Variants in ATXN1 observed in about 807,000 individuals in gnomAD.
The protein encoded by ATXN1 is ataxin 1.
ATXN1 carries 8 observed loss-of-function variants against 56.4 expected under a neutral mutation model. The ratio of observed to expected loss-of-function variants is 0.14; its 90% CI spans 0.08 to 0.26. The LOEUF is 0.26. Ranked by LOEUF, ATXN1 falls within the 10% of genes least tolerant of loss-of-function variation. The probability of loss-of-function intolerance (pLI) is 1.00; values close to 1 mark genes in which losing one functional copy is unlikely to be tolerated. For synonymous variants in ATXN1, 514 were observed against 494.6 expected (o/e 1.04, Z -0.52); for missense variants, 987 against 1,106.5 (o/e 0.89, Z 1.53).
intron 2 of ATXN1, among the ~76,000 whole-genome samples, chr6:16,687,098 T>C (rs758558275): frequency 6.6e-6 from 1 of 152,188 alleles, no homozygotes; most frequent in Non-Finnish European, 1.5e-5. Context: ...TGGCATGTAA[T>C]TACAACCAGG....
intron 5 of ATXN1, among the ~76,000 whole-genome samples, chr6:16,512,051 G>C (rs1035145470): frequency 6.6e-6 from 1 of 152,172 alleles, no homozygotes; most frequent in African/African-American, 2.4e-5. Context: ...TCAATTACCA[G>C]GCAGGATGCC....
chr6:16,639,931 C>T (rs1763677598), intron 3 of ATXN1, among the ~76,000 whole-genome samples: 1 of 152,110 alleles, frequency 6.6e-6, no homozygotes, highest in East Asian at 1.9e-4. Context: ...ATGTGACTGC[C>T]TGTTGTTGGA....
chr6:16,508,705 C>T (rs67818802), intron 5 of ATXN1, among the ~76,000 whole-genome samples: 30,432 of 152,022 alleles, frequency 0.2, 3,327 homozygotes, highest in South Asian at 0.35. Flanking sequence ...CTGTGGAAAA[C>T]GATACAGCAG....
intron 6 of ATXN1, among the ~76,000 whole-genome samples, chr6:16,397,475 G>T (rs1375827723): frequency 6.6e-6 from 1 of 152,114 alleles, no homozygotes; most frequent in Non-Finnish European, 1.5e-5. Context: ...TGTTGGCCAG[G>T]CTGGTCTCAA....
At chr6:16,462,362 T>C (rs1199166844) in intron 6 of ATXN1, among the ~76,000 whole-genome samples, 9 of 152,192 alleles carry the variant, frequency 5.9e-5, no homozygotes, top group Admixed American at 5.9e-4. Context: ...ATTGGAAGAT[T>C]TGTGTCTCCT....
At chr6:16,494,333 C>A (rs1411752663) in intron 5 of ATXN1, among the ~76,000 whole-genome samples, 3 of 152,202 alleles carry the variant, frequency 2.0e-5, no homozygotes, top group Non-Finnish European at 4.4e-5. Flanking sequence ...TTCTTACAAA[C>A]TGGCAGTCCT....
chr6:16,745,998 C>T (rs1479559797), intron 2 of ATXN1, among the ~76,000 whole-genome samples: 3 of 149,596 alleles, frequency 2.0e-5, no homozygotes, highest in East Asian at 3.9e-4. Flanking sequence ...TATTGAGATA[C>T]TACCATAAGC....
chr6:16,563,997 C>T (rs3762612), intron 4 of ATXN1, among the ~76,000 whole-genome samples: 61,381 of 151,958 alleles, frequency 0.4, 15,102 homozygotes, highest in African/African-American at 0.67. Context: ...GGGATCATAT[C>T]ATGAGGGAGT....
At chr6:16,462,526 T>G (rs1014908590) in intron 6 of ATXN1, among the ~76,000 whole-genome samples, 1 of 152,182 alleles carries the variant, frequency 6.6e-6, no homozygotes. Flanking sequence ...TTCATCACAT[T>G]ATTAAGCAGT....
chr6:16,414,532 C>T (rs1758864838), intron 6 of ATXN1, among the ~76,000 whole-genome samples: 1 of 152,150 alleles, frequency 6.6e-6, no homozygotes. Flanking sequence ...AGAAGATAAC[C>T]AAATGTCTAG....
chr6:16,566,543 T>TA (rs1762220749), intron 4 of ATXN1, among the ~76,000 whole-genome samples: 1 of 151,514 alleles, frequency 6.6e-6, no homozygotes, highest in Non-Finnish European at 1.5e-5. Flanking sequence ...CCTGGCCAAT[T>TA]AAAAAACAAA....
At chr6:16,677,175 G>A (rs980128844) in intron 2 of ATXN1, among the ~76,000 whole-genome samples, 2 of 152,274 alleles carry the variant, frequency 1.3e-5, no homozygotes, top group South Asian at 2.1e-4. Flanking sequence ...AATACGGTGT[G>A]AATCAAGGGG....
Position 16,306,940 on chromosome 6 carries a change from C to T in ATXN1, c.1918-81G>A. Reference sequence around the variant, plus strand: ...TTTTATTCTTGTTTGATTTTATGCACACACACAGGTATGAACTCACACAGA... The same window carrying T: ...TTTTATTCTTGTTTGATTTTATGCATACACACAGGTATGAACTCACACAGA... On this transcript the variant is annotated intron_variant, in intron 7 of 7. Coordinates refer to ENST00000436367, the MANE Select transcript of ATXN1 (RefSeq NM_001128164.2). The surrounding 1 kb of genome is among the most constrained non-coding windows in gnomAD (Gnocchi z 5.2). 2.1e-6 allele frequency: 3 copies of T among 1,445,694 alleles called. No homozygotes were observed. The highest frequency in any genetic ancestry group is 2.8e-6 in the Non-Finnish European group (3 of 1,080,856). The allele number at this position is 1,445,694 out of a possible 1,614,324, so 89.6% of individuals were successfully genotyped here. A position where few individuals can be genotyped will look rare whatever the true frequency, so the allele number is the denominator to read the frequency against.
chr6:16,682,032 C>T (rs1041299828), intron 2 of ATXN1, among the ~76,000 whole-genome samples: 22 of 152,088 alleles, frequency 1.4e-4, no homozygotes, highest in African/African-American at 4.6e-4. Flanking sequence ...TGGTTAGCCG[C>T]TGTTCTCCTT....
intron 4 of ATXN1, among the ~76,000 whole-genome samples, chr6:16,541,160 CACA>C (rs1761706730): frequency 6.6e-6 from 1 of 152,178 alleles, no homozygotes; most frequent in Admixed American, 6.5e-5. Flanking sequence ...GAGGGCAGCC[CACA>C]GCCTCAAAGT....
chr6:16,699,061 T>C (rs1375870367), intron 2 of ATXN1, among the ~76,000 whole-genome samples: 1 of 152,200 alleles, frequency 6.6e-6, no homozygotes, highest in African/African-American at 2.4e-5. Flanking sequence ...TTGTTTTCTA[T>C]TGTTCAGTGT....
Position 16,301,538 on chromosome 6 carries a change from A to G in ATXN1, c.*4791T>C, listed in dbSNP as rs1167678472. 2.0e-5 allele frequency: 3 copies of G among 152,300 alleles called. No individual in the cohort carries two copies. Among genetic ancestry groups the G allele is most frequent in the African/African-American group, 7.3e-5 (3 of 41,350 alleles). The allele number at this position is 152,300 out of a possible 1,614,324, so 9.4% of individuals were successfully genotyped here. A position where few individuals can be genotyped will look rare whatever the true frequency, so the allele number is the denominator to read the frequency against. ...TACTTGATGTGTTCTTAAATTCTCTATTTCAGAAATTCTGGGTTAAAAACA... is the reference window on the plus strand; with the variant it reads ...TACTTGATGTGTTCTTAAATTCTCTGTTTCAGAAATTCTGGGTTAAAAACA... On this transcript the variant is annotated 3_prime_UTR_variant, in exon 8 of 8. Coordinates refer to ENST00000436367, the MANE Select transcript of ATXN1 (RefSeq NM_001128164.2).
chr6:16,517,447 T>C (rs917192451), intron 5 of ATXN1, among the ~76,000 whole-genome samples: 1 of 152,210 alleles, frequency 6.6e-6, no homozygotes, highest in African/African-American at 2.4e-5. Context: ...AGTTAATATA[T>C]GCAAGATACA....
Position 16,319,047 on chromosome 6 carries a change from T to C in ATXN1, c.1917+7347A>G, listed in dbSNP as rs541738401. 1.6e-3 allele frequency among the ~76,000 whole-genome samples: 246 copies of C among 151,992 alleles called. 1 individual carries two copies. The highest frequency in any genetic ancestry group is 3.6e-3 in the Admixed American group (55 of 15,272). ...GCCTGGGCAACATGGCAAGACCCCG[T>C]CTCTACAAAAAAATAGAAAAATTAG... On this transcript the variant is annotated intron_variant, in intron 7 of 7. Transcript: ENST00000436367.
Sources: allele counts gnomAD v4.1 joint callset (sites outside exome capture counted in the v4.1 genomes callset), GRCh38; gene constraint gnomAD v4.1.1; non-coding constraint Gnocchi (gnomAD v3.1); transcripts MANE v1.5; gene names NCBI Gene and HGNC (gene_info 2026-07-23, HGNC 2026-07-21).